The following SHANK2 variants were observed in gnomAD, a reference collection of about 807,000 sequenced individuals.
SHANK2 encodes SH3 and multiple ankyrin repeat domains protein 2.
SHANK2 carries 43 observed loss-of-function variants against 133.7 expected under a neutral mutation model. The ratio of observed to expected loss-of-function variants is 0.32; its 90% CI spans 0.25 to 0.41. SHANK2 has a LOEUF of 0.41. SHANK2 is among the 10% of genes least tolerant of loss of function. SHANK2 has a pLI of 1.00. For synonymous variants in SHANK2, 1,017 were observed against 952.8 expected, an observed-to-expected ratio of 1.07 and a Z score of -1.24; for missense variants, 1,994 against 2,235.8, an observed-to-expected ratio of 0.89 and a Z score of 2.18.
At chr11:70,631,404 A>ACACACCCC (rs1555002173) in intron 17 of SHANK2, among the ~76,000 whole-genome samples, 20 of 149,398 alleles carry the variant, frequency 1.3e-4, no homozygotes, top group African/African-American at 4.7e-4. Flanking sequence ...ACACACACAC[A>ACACACCCC]CACACCCACA....
intron 11 of SHANK2, among the ~76,000 whole-genome samples, chr11:70,883,248 A>T (rs1402286715): frequency 6.6e-6 from 1 of 152,140 alleles, no homozygotes; most frequent in Non-Finnish European, 1.5e-5. Flanking sequence ...AAGGCACAGG[A>T]GCTATTTTTG....
At chr11:71,088,638 C>T (rs1951451266) in intron 8 of SHANK2, among the ~76,000 whole-genome samples, 1 of 152,214 alleles carries the variant, frequency 6.6e-6, no homozygotes, top group African/African-American at 2.4e-5. Flanking sequence ...TGACTCCCGC[C>T]CCTCGCCCAG....
At position 70,487,369 on chromosome 11, in the gene SHANK2, G is replaced by C; in HGVS notation, c.2924C>G (p.Ala975Gly). ...CTGGCCTCTCTTGTTGCGGAAGTTG[G>C]CTTGCGGGCCGGCATTCCGACTGTA... ...DLYSRNAGPQ[A>G]NFRNKRGQMP... Residue 975 changes from alanine (A) to glycine (G), a missense_variant, in exon 25 of 26, where the codon GCC (alanine) becomes GGC (glycine). Transcript: ENST00000601538. This position sits in a 1 kb window ranked among gnomAD's most constrained non-coding sequence, Gnocchi z 5.8. The C allele has an allele frequency of 6.2e-7, 1 of 1,614,162 alleles. No individual in the cohort carries two copies. The highest frequency in any genetic ancestry group is 8.5e-7 in the Non-Finnish European group (1 of 1,180,040).
rs118060089 is a variant in SHANK2, at chr11:70,815,007, T to C, written c.1493+5357A>G. ...CACACTCCCAGAGCAGGGACTCAGG[T>C]GTCTCAGGAATGTTCTCAGGACAGT... On this transcript the variant is annotated intron_variant, in intron 12 of 25. Transcript: ENST00000601538. Among the ~76,000 whole-genome samples the C allele has an allele frequency of 7.6e-3, 1,150 of 152,142 alleles. 9 individuals carry two copies. The highest frequency in any genetic ancestry group is 0.02 in the Middle Eastern group (6 of 294).
At chr11:70,817,240 T>G (rs1465015607) in intron 12 of SHANK2, among the ~76,000 whole-genome samples, 1 of 152,200 alleles carries the variant, frequency 6.6e-6, no homozygotes, top group Non-Finnish European at 1.5e-5. Flanking sequence ...CAGGTCCTAG[T>G]TAGGACACGG....
At chr11:70,750,339 C>T (rs922720287) in intron 14 of SHANK2, among the ~76,000 whole-genome samples, 3 of 152,252 alleles carry the variant, frequency 2.0e-5, no homozygotes, top group Admixed American at 6.5e-5. Flanking sequence ...CTCCCACCCA[C>T]AGCCTCAAGC....
intron 10 of SHANK2, among the ~76,000 whole-genome samples, chr11:70,931,861 A>AAAATC (rs1267688833): frequency 6.6e-6 from 1 of 152,242 alleles, no homozygotes; most frequent in Non-Finnish European, 1.5e-5. Context: ...TTCCAAAGTG[A>AAAATC]AAATCATACT....
intron 13 of SHANK2, among the ~76,000 whole-genome samples, chr11:70,799,711 C>T (rs554952961): frequency 3.0e-4 from 45 of 152,146 alleles, no homozygotes; most frequent in Non-Finnish European, 4.4e-4. Context: ...CTGGGGACCA[C>T]GCACATCACT....
chr11:70,776,685 C>T (rs1395043246), intron 14 of SHANK2, among the ~76,000 whole-genome samples: 3 of 152,044 alleles, frequency 2.0e-5, no homozygotes, highest in South Asian at 2.1e-4. Flanking sequence ...TCTACCTAGT[C>T]ACCCATCCTC....
intron 11 of SHANK2, among the ~76,000 whole-genome samples, chr11:70,891,153 A>G (rs1826509847): frequency 6.6e-6 from 1 of 152,110 alleles, no homozygotes; most frequent in Non-Finnish European, 1.5e-5. Context: ...GCTCCTCTCT[A>G]GACGGGAAGA....
At chr11:71,207,332 A>G (rs531573241) in intron 2 of SHANK2, among the ~76,000 whole-genome samples, 1 of 152,258 alleles carries the variant, frequency 6.6e-6, no homozygotes, top group South Asian at 2.1e-4. Context: ...GGCTTCCGCT[A>G]CCACACCCAG....
chr11:70,691,271 A>G (rs1184870084), intron 15 of SHANK2, among the ~76,000 whole-genome samples: 3 of 152,154 alleles, frequency 2.0e-5, no homozygotes, highest in Non-Finnish European at 4.4e-5. Flanking sequence ...CGAGGAGAAG[A>G]CAGGACTCCT....
At chr11:70,783,628 G>A (rs987712408) in intron 14 of SHANK2, among the ~76,000 whole-genome samples, 2 of 152,074 alleles carry the variant, frequency 1.3e-5, no homozygotes, top group Admixed American at 6.6e-5. Flanking sequence ...AAGCAACTGT[G>A]TGCGAGACCA....
chr11:71,241,639 A>C (rs955335551), intron 1 of SHANK2, among the ~76,000 whole-genome samples: 1 of 152,190 alleles, frequency 6.6e-6, no homozygotes, highest in Non-Finnish European at 1.5e-5. Context: ...GCTGGGGCTG[A>C]ACCCACAAAG....
chr11:70,843,303 T>G (rs1218535447), intron 11 of SHANK2, among the ~76,000 whole-genome samples: 2 of 14,476 alleles, frequency 1.4e-4, no homozygotes, highest in Non-Finnish European at 2.7e-4. Flanking sequence ...AAGGGTGGGC[T>G]GGGCTGCTAT....
At chr11:70,755,552 C>A (rs994177962) in intron 14 of SHANK2, among the ~76,000 whole-genome samples, 2 of 152,240 alleles carry the variant, frequency 1.3e-5, no homozygotes, top group South Asian at 4.1e-4. Flanking sequence ...CGTCCCCAGC[C>A]CCGGCCCCGG....
intron 17 of SHANK2, among the ~76,000 whole-genome samples, chr11:70,541,190 C>T (rs1399669984): frequency 2.0e-5 from 3 of 152,238 alleles, no homozygotes; most frequent in African/African-American, 7.2e-5. Flanking sequence ...TAAGATGGAA[C>T]GATGCTCCCT....
In SHANK2 at chr11:70,473,558, A is replaced by T; in HGVS notation, c.4980-119T>A. The T allele has an allele frequency of 1.1e-6, 1 of 941,076 alleles. No individual in the cohort carries two copies. Among genetic ancestry groups the T allele is most frequent in the Non-Finnish European group, 1.7e-6 (1 of 600,140 alleles). 58.3% of individuals were successfully genotyped at this position (941,076 alleles called of 1,614,324 possible). A position where few individuals can be genotyped will look rare whatever the true frequency, so the allele number is the denominator to read the frequency against. ...AAACCATGCCAGAGTGTCTAGTGGC[A>T]GATCCACTGGCAGTGAACGAATGAT... On this transcript the variant is annotated intron_variant, in intron 25 of 25. Coordinates refer to ENST00000601538, the MANE Select transcript of SHANK2 (RefSeq NM_012309.5). The surrounding 1 kb of genome is among the most constrained non-coding windows in gnomAD (Gnocchi z 5.9).
rs1555052215 is a variant in SHANK2 at position 70,807,393 on chromosome 11, C to G, written c.1494-222G>C. ...CACTCGCAGGTCTGCCCCGCACAGA[C>G]AGAAAGCTGCCACTCGGGGAGACGT... On this transcript the variant is annotated intron_variant, in intron 12 of 25. Coordinates refer to ENST00000601538, the MANE Select transcript of SHANK2 (RefSeq NM_012309.5). This position sits in a 1 kb window ranked among gnomAD's most constrained non-coding sequence, Gnocchi z 4.8. Among the ~76,000 whole-genome samples, 1 of 152,236 alleles carries G rather than the reference C, an allele frequency of 6.6e-6. No homozygotes were observed. The highest frequency in any genetic ancestry group is 1.5e-5 in the Non-Finnish European group (1 of 68,048).
Sources: gnomAD v4.1 joint callset for allele counts (sites outside exome capture counted in the v4.1 genomes callset) on GRCh38, gnomAD v4.1.1 for gene constraint, Gnocchi (gnomAD v3.1) non-coding constraint, MANE v1.5 for transcripts, NCBI Gene and HGNC (gene_info 2026-07-23, HGNC 2026-07-21) for gene names.